DIP2C: variants seen among roughly 807,000 people sequenced by gnomAD.
DIP2C encodes DIP2 acetate--CoA ligase C (putative).
DIP2C carries 33 observed loss-of-function variants against 192.4 expected under a neutral mutation model. The observed-to-expected ratio is 0.17, with a 90% CI of 0.13 to 0.23. DIP2C has a LOEUF of 0.23. Among genes scored for constraint, DIP2C ranks in the 10% least tolerant of loss-of-function variants. The pLI, the probability that DIP2C is intolerant of heterozygous loss-of-function variation, is 1.00. For missense variants in DIP2C, 1,537 were observed against 2,110.1 expected (o/e 0.73, Z 5.32); for synonymous variants, 979 against 864.1 (o/e 1.13, Z -2.33).
intron 1 of DIP2C, among the ~76,000 whole-genome samples, chr10:614,680 T>C (rs1408203283): frequency 1.3e-5 from 2 of 152,260 alleles, no homozygotes; most frequent in Admixed American, 1.3e-4. Flanking sequence ...ATGTGATCCA[T>C]AAAGTTCCTT....
chr10:350,341 C>A (rs893865780), intron 24 of DIP2C, among the ~76,000 whole-genome samples: 1 of 152,124 alleles, frequency 6.6e-6, no homozygotes, highest in African/African-American at 2.4e-5. Flanking sequence ...CCCATCTTGG[C>A]CTATTTAAGC....
intron 29 of DIP2C, among the ~76,000 whole-genome samples, chr10:334,342 T>C (rs969866061): frequency 1.4e-5 from 2 of 143,732 alleles, no homozygotes; most frequent in Non-Finnish European, 1.5e-5. Context: ...ATTTATTACA[T>C]AGGTGCTTAG....
intron 1 of DIP2C, chr10:649,801 A>C (rs1588675607): frequency 2.4e-6 from 1 of 414,480 alleles, no homozygotes; most frequent in Non-Finnish European, 4.4e-6. Context: ...CCTACATAAA[A>C]GACAGGGTCT....
chr10:523,467 AAAGGACCC>A (rs1846853592), intron 1 of DIP2C, among the ~76,000 whole-genome samples: 2 of 130,366 alleles, frequency 1.5e-5, no homozygotes, highest in African/African-American at 6.0e-5. Flanking sequence ...TACTGGATGC[AAAGGACCC>A]TGGAGTGAGG....
At chr10:576,274 C>T (rs777860902) in intron 1 of DIP2C, among the ~76,000 whole-genome samples, 2 of 152,228 alleles carry the variant, frequency 1.3e-5, no homozygotes, top group Non-Finnish European at 2.9e-5. Flanking sequence ...GCCAAAGCAA[C>T]ACTGCGAGGC....
At chr10:620,683 C>T (rs1034091237) in intron 1 of DIP2C, among the ~76,000 whole-genome samples, 2 of 152,090 alleles carry the variant, frequency 1.3e-5, no homozygotes, top group Admixed American at 6.5e-5. Context: ...TATCTGAACA[C>T]GGGAGAATAA....
At chr10:465,887 G>A (rs1392080682) in intron 3 of DIP2C, among the ~76,000 whole-genome samples, 1 of 151,750 alleles carries the variant, frequency 6.6e-6, no homozygotes, top group Non-Finnish European at 1.5e-5. Flanking sequence ...GGAAATAAAA[G>A]AGGATACAAA....
chr10:605,566 C>T (rs1852401811), intron 1 of DIP2C, among the ~76,000 whole-genome samples: 1 of 152,174 alleles, frequency 6.6e-6, no homozygotes, highest in Non-Finnish European at 1.5e-5. Context: ...ACTTTATTTT[C>T]CCCATTTTAG....
At chr10:498,584 G>A (rs1421778422) in intron 1 of DIP2C, among the ~76,000 whole-genome samples, 2 of 152,210 alleles carry the variant, frequency 1.3e-5, no homozygotes, top group African/African-American at 4.8e-5. Flanking sequence ...ATGCACCTCT[G>A]TCAAGGGATG....
At chr10:424,355 G>GTTTTTTTTTTTTTTTTTGTT (rs1966427932) in intron 4 of DIP2C, among the ~76,000 whole-genome samples, 1 of 83,108 alleles carries the variant, frequency 1.2e-5, no homozygotes, top group African/African-American at 4.5e-5. Context: ...ATCACCTTGG[G>GTTTTTTTTTTTTTTTTTGTT]TTTTTTTTTT....
intron 1 of DIP2C, among the ~76,000 whole-genome samples, chr10:615,614 T>TACACACACACACCCGCCCCACAC (rs1853413903): frequency 1.3e-5 from 2 of 150,540 alleles, no homozygotes; most frequent in South Asian, 4.2e-4. Context: ...TAGGTTCATA[T>TACACACACACACCCGCCCCACAC]ACACACACAC....
In DIP2C at chr10:353,848, T is replaced by C. The variant is rs931294645; in HGVS notation, c.2985+2578A>G. Among the ~76,000 whole-genome samples, 5 of 152,010 alleles carry C rather than the reference T, an allele frequency of 3.3e-5. No homozygotes were observed. In the East Asian group the frequency reaches 9.6e-4, roughly 29 times the overall value. ...TTCATCACTGGAACGAATTTCATGTTTCTTCTTCCTTTTTAAAATCTTGCT... is the reference window on the plus strand; with the variant it reads ...TTCATCACTGGAACGAATTTCATGTCTCTTCTTCCTTTTTAAAATCTTGCT... On this transcript the variant is annotated intron_variant, in intron 24 of 36. Transcript: ENST00000280886.
chr10:327,441 A>G (rs938310154), intron 30 of DIP2C, among the ~76,000 whole-genome samples: 2 of 152,244 alleles, frequency 1.3e-5, no homozygotes, highest in African/African-American at 4.8e-5. Flanking sequence ...TGTTATGAGG[A>G]AAAAGGTTGA....
intron 1 of DIP2C, among the ~76,000 whole-genome samples, chr10:578,761 C>T (rs1224113706): frequency 6.6e-6 from 1 of 152,128 alleles, no homozygotes; most frequent in Non-Finnish European, 1.5e-5. Flanking sequence ...AGTGTACACA[C>T]ATCCAACTAC....
chr10:677,710 A>G (rs1830922293), intron 1 of DIP2C, among the ~76,000 whole-genome samples: 1 of 152,182 alleles, frequency 6.6e-6, no homozygotes, highest in Non-Finnish European at 1.5e-5. Flanking sequence ...AGCTTATGAG[A>G]GTAGGTAATG....
At chr10:421,072 TTTCA>T (rs1420171303) in intron 5 of DIP2C, among the ~76,000 whole-genome samples, 3 of 152,334 alleles carry the variant, frequency 2.0e-5, no homozygotes, top group African/African-American at 4.8e-5. Flanking sequence ...TCTGATTAAG[TTTCA>T]TTATTTTGCC....
rs1282904111 is a variant in DIP2C, at chr10:346,791, G to A, written c.3232-1681C>T. On this transcript the variant is annotated intron_variant, in intron 26 of 36. Coordinates refer to ENST00000280886, the MANE Select transcript of DIP2C (RefSeq NM_014974.3). ...AACGTCACACGCACCCGGACACATC[G>A]CGCGTAGTTCTCCCGGAAACGTCAC... is the stretch of plus-strand genomic sequence containing the variant. Among the ~76,000 whole-genome samples the A allele has an allele frequency of 1.1e-4, 7 of 64,760 alleles. 2 individuals carry two copies. The highest frequency in any genetic ancestry group is 6.1e-4 in the African/African-American group (7 of 11,472). The allele number at this position is 64,760 out of a possible 152,430, so 42.5% of individuals were successfully genotyped here.
At chr10:288,036 G>A (rs150679369) in intron 33 of DIP2C, among the ~76,000 whole-genome samples, 1 of 152,182 alleles carries the variant, frequency 6.6e-6, no homozygotes, top group Non-Finnish European at 1.5e-5. Context: ...CTGGAATGTG[G>A]AAATGATGGC....
chr10:275,256 T>G lies in DIP2C; in HGVS notation c.*2069A>C, dbSNP rs1954455625. The stretch of plus-strand genomic sequence containing the variant: ...CCTGAAGCCCCAAACCTACCTCCCT[T>G]TCAACAAGGTGGGTGGGTGTAGGAA... On this transcript the variant is annotated 3_prime_UTR_variant, in exon 37 of 37. Coordinates refer to ENST00000280886, the MANE Select transcript of DIP2C (RefSeq NM_014974.3). The G allele has an allele frequency of 6.6e-6, 1 of 152,206 alleles. No homozygotes were observed. The allele number at this position is 152,206 out of a possible 1,614,324, so 9.4% of individuals were successfully genotyped here.
Sources: allele counts gnomAD v4.1 joint callset (sites outside exome capture counted in the v4.1 genomes callset), GRCh38; gene constraint gnomAD v4.1.1; transcripts MANE v1.5; gene names NCBI Gene and HGNC (gene_info 2026-07-23, HGNC 2026-07-21).